Variants in ALDH1L2 observed in about 807,000 individuals in gnomAD.
The protein encoded by ALDH1L2 is mitochondrial 10-formyltetrahydrofolate dehydrogenase.
A neutral mutation model predicts 111.0 loss-of-function variants in ALDH1L2; 91 were observed. The ratio of observed to expected loss-of-function variants is 0.82; its 90% CI spans 0.69 to 0.98. The LOEUF (loss-of-function observed/expected upper bound fraction) is 0.98. Ranked by LOEUF, ALDH1L2 falls within the 50% of genes least tolerant of loss-of-function variation. The pLI is 0.00. For synonymous variants in ALDH1L2, 374 were observed against 392.6 expected (o/e 0.95, Z 0.56); for missense variants, 995 against 1,126.8 (o/e 0.88, Z 1.67).
intron 1 of ALDH1L2, among the ~76,000 whole-genome samples, chr12:105,083,397 C>T (rs529263128): frequency 7.8e-6 from 1 of 128,356 alleles, no homozygotes; most frequent in Non-Finnish European, 1.6e-5. Flanking sequence ...AAGAGTAAAA[C>T]GAATTCTTAT....
intron 9 of ALDH1L2, among the ~76,000 whole-genome samples, chr12:105,059,505 A>G (rs146513467): frequency 1.9e-4 from 29 of 152,204 alleles, no homozygotes; most frequent in African/African-American, 5.3e-4. Context: ...TAATCATCAT[A>G]ATGTAGTATT....
At chr12:105,053,153 C>T (rs1876401094) in intron 10 of ALDH1L2, among the ~76,000 whole-genome samples, 1 of 152,182 alleles carries the variant, frequency 6.6e-6, no homozygotes, top group African/African-American at 2.4e-5. Flanking sequence ...TGCTCTAGGC[C>T]AGGCTTTATA....
At chr12:105,041,738 A>G (rs1875547303) in intron 15 of ALDH1L2, among the ~76,000 whole-genome samples, 1 of 152,198 alleles carries the variant, frequency 6.6e-6, no homozygotes, top group Non-Finnish European at 1.5e-5. Context: ...ATCAGTGTGA[A>G]CACAAAGATT....
intron 5 of ALDH1L2, 131 bp from the exon 6 acceptor site, chr12:105,065,487 A>G: frequency 1.5e-6 from 1 of 657,364 alleles, no homozygotes; most frequent in South Asian, 1.8e-5. Flanking sequence ...TCTTAGTTTT[A>G]TTTGGAGTAA....
intron 21 of ALDH1L2, 60 bp from the exon 22 acceptor site, chr12:105,026,804 T>C: frequency 4.4e-6 from 7 of 1,581,676 alleles, no homozygotes; most frequent in Non-Finnish European, 6.0e-6. Context: ...TCATTTTATG[T>C]TCTGAAAATT....
At chr12:105,058,444 A>G (rs1336350472) in intron 9 of ALDH1L2, among the ~76,000 whole-genome samples, 1 of 152,240 alleles carries the variant, frequency 6.6e-6, no homozygotes, top group South Asian at 2.1e-4. Flanking sequence ...AACTTTATCC[A>G]TGACTAAAAA....
chr12:105,079,295 G>A (rs1380684709), intron 1 of ALDH1L2, among the ~76,000 whole-genome samples: 2 of 152,220 alleles, frequency 1.3e-5, no homozygotes, highest in African/African-American at 4.8e-5. Context: ...CATAGAGGTA[G>A]ATCTGCAAGA....
intron 5 of ALDH1L2, 117 bp downstream of exon 5, chr12:105,066,451 C>A: frequency 1.2e-6 from 1 of 856,160 alleles, no homozygotes; most frequent in South Asian, 1.6e-5. Context: ...TCTACTCTAA[C>A]AGGTAGGGCT....
chr12:105,074,734 T>G (rs891929160), intron 1 of ALDH1L2, among the ~76,000 whole-genome samples: 6 of 152,210 alleles, frequency 3.9e-5, no homozygotes, highest in Admixed American at 3.9e-4. Context: ...AAATTTAATT[T>G]TCCCTTATTT....
rs751270229 is a variant in ALDH1L2, at chr12:105,020,652, G to A, written c.*3772C>T. 9 of 152,198 alleles carry A rather than the reference G, an allele frequency of 5.9e-5. No individual in the cohort carries two copies. The highest frequency in any genetic ancestry group is 1.0e-4 in the Non-Finnish European group (7 of 68,038). 9.4% of individuals were successfully genotyped at this position (152,198 alleles called of 1,614,324 possible). ...AAAGAATAAAGAATGACAGCAGATG[G>A]GGTATGAATGTGGGGGCATATGGCC... On this transcript the variant is annotated 3_prime_UTR_variant, in exon 23 of 23. Coordinates refer to ENST00000258494, the MANE Select transcript of ALDH1L2 (RefSeq NM_001034173.4).
At chr12:105,070,037 G>C (rs1464182360) in intron 3 of ALDH1L2, among the ~76,000 whole-genome samples, 2 of 152,108 alleles carry the variant, frequency 1.3e-5, no homozygotes, top group African/African-American at 2.4e-5. Context: ...AAAAAGTTCT[G>C]TGGTCAAATA....
At chr12:105,025,357 AT>A (rs1874358382) in intron 22 of ALDH1L2, among the ~76,000 whole-genome samples, 1 of 152,228 alleles carries the variant, frequency 6.6e-6, no homozygotes. Context: ...GGGTTTTAAA[AT>A]TGGGGGAGGA....
intron 20 of ALDH1L2, among the ~76,000 whole-genome samples, chr12:105,031,048 T>A (rs1874671264): frequency 6.6e-6 from 1 of 152,226 alleles, no homozygotes; most frequent in South Asian, 2.1e-4. Context: ...CAGTTGTTTA[T>A]ACATTATCTT....
chr12:105,055,904 T>G (rs529572331), intron 10 of ALDH1L2, among the ~76,000 whole-genome samples: 1 of 152,110 alleles, frequency 6.6e-6, no homozygotes, highest in South Asian at 2.1e-4. Flanking sequence ...CCTCAGAGAC[T>G]TATGGGATAC....
rs752007030 is a variant in ALDH1L2, at chr12:105,026,609, GT to G, written c.2651del (p.Tyr884SerfsTer22). On this transcript the variant is annotated frameshift_variant, in exon 22 of 23. Coordinates refer to ENST00000258494, the MANE Select transcript of ALDH1L2 (RefSeq NM_001034173.4). LOFTEE classifies it high-confidence loss of function. ...ATGGGGCCGCCACATCTGTCTTGTTGTATGTGTTAATAAAAACAGTTCCTGC... is the reference window on the plus strand; with the variant it reads ...ATGGGGCCGCCACATCTGTCTTGTTGATGTGTTAATAAAAACAGTTCCTGC... The part of the protein sequence containing the change: ...LEAGTVFINT[Y>X]NKTDVAAPFG... The G allele has an allele frequency of 6.2e-7, 1 of 1,614,094 alleles. No individual in the cohort carries two copies.
chr12:105,065,398 G>A (rs1353474710), intron 5 of ALDH1L2, 42 bp from the exon 6 acceptor site: 1 of 1,532,768 alleles, frequency 6.5e-7, no homozygotes, highest in African/African-American at 1.4e-5. Context: ...CTATGGCTGT[G>A]AACCTCAAAG....
At chr12:105,074,851 A>C (rs907722745) in intron 1 of ALDH1L2, among the ~76,000 whole-genome samples, 4 of 152,216 alleles carry the variant, frequency 2.6e-5, no homozygotes, top group African/African-American at 9.7e-5. Flanking sequence ...ACAAAGTTTT[A>C]ACTAATTTAA....
chr12:105,042,393 T>C (rs1374393409), intron 15 of ALDH1L2, among the ~76,000 whole-genome samples: 1 of 142,224 alleles, frequency 7.0e-6, no homozygotes, highest in Non-Finnish European at 1.6e-5. Context: ...GAGTTTAATA[T>C]GTATTTGGGT....
intron 9 of ALDH1L2, among the ~76,000 whole-genome samples, chr12:105,060,018 G>C (rs1006478869): frequency 2.0e-5 from 3 of 152,168 alleles, no homozygotes; most frequent in Non-Finnish European, 4.4e-5. Context: ...TCCTGGTCCA[G>C]TTTCCTTGCG....
Sources: allele counts gnomAD v4.1 joint callset (sites outside exome capture counted in the v4.1 genomes callset), GRCh38; gene constraint gnomAD v4.1.1; transcripts MANE v1.5; gene names NCBI Gene and HGNC (gene_info 2026-07-23, HGNC 2026-07-21).